The following ABHD17C variants were observed in gnomAD, a reference collection of about 807,000 sequenced individuals.
The protein encoded by ABHD17C is alpha/beta hydrolase domain-containing protein 17C.
A neutral mutation model predicts 27.9 loss-of-function variants in ABHD17C; 11 were observed. The observed-to-expected ratio is 0.39, with a 90% confidence interval of 0.25 to 0.65. The LOEUF (loss-of-function observed/expected upper bound fraction) is 0.65. Among genes scored for constraint, ABHD17C ranks in the 30% least tolerant of loss-of-function variants. ABHD17C has a pLI of 0.45. For synonymous variants in ABHD17C, 233 were observed against 209.1 expected (o/e 1.11, Z -0.98); for missense variants, 280 against 470.2 (o/e 0.60, Z 3.74).
intron 1 of ABHD17C, among the ~76,000 whole-genome samples, chr15:80,730,036 G>A (rs996870172): frequency 2.0e-5 from 3 of 152,060 alleles, no homozygotes; most frequent in Non-Finnish European, 4.4e-5. Flanking sequence ...GGAGAACCAC[G>A]TGAACCCAGT....
chr15:80,736,438 C>T (rs553443590), intron 1 of ABHD17C, among the ~76,000 whole-genome samples: 83 of 152,240 alleles, frequency 5.5e-4, no homozygotes, highest in Admixed American at 3.5e-3. Flanking sequence ...TCCACATGAC[C>T]GAGGGACTGT....
intron 1 of ABHD17C, among the ~76,000 whole-genome samples, chr15:80,713,900 C>CCCCACACACA (rs762670035): frequency 5.7e-5 from 8 of 141,146 alleles, no homozygotes; most frequent in Admixed American, 5.6e-4. Flanking sequence ...CATATACAGA[C>CCCCACACACA]CACACACACA....
intron 2 of ABHD17C, among the ~76,000 whole-genome samples, chr15:80,752,506 C>T (rs1040329868): frequency 1.4e-4 from 21 of 152,310 alleles, no homozygotes; most frequent in Admixed American, 1.2e-3. Context: ...GCTTCAGTTT[C>T]CTCCTTGATA....
chr15:80,722,364 T>C (rs1296891740), intron 1 of ABHD17C, among the ~76,000 whole-genome samples: 1 of 151,224 alleles, frequency 6.6e-6, no homozygotes, highest in Non-Finnish European at 1.5e-5. Flanking sequence ...ATCTTCACTA[T>C]GAGAAAGGAA....
At chr15:80,729,595 T>C (rs528325177) in intron 1 of ABHD17C, among the ~76,000 whole-genome samples, 1 of 152,312 alleles carries the variant, frequency 6.6e-6, no homozygotes, top group South Asian at 2.1e-4. Flanking sequence ...TTTAAAATTA[T>C]ATAGTTAAAA....
Position 80,695,424 on chromosome 15 carries a change from G to A in ABHD17C, c.-6G>A. 1 of 1,312,478 alleles carries A rather than the reference G, an allele frequency of 7.6e-7. No homozygotes were observed. The highest frequency in any genetic ancestry group is 9.9e-7 in the Non-Finnish European group (1 of 1,014,852). 81.3% of individuals were successfully genotyped at this position (1,312,478 alleles called of 1,614,324 possible). On this transcript the variant is annotated 5_prime_UTR_variant, in exon 1 of 3. Transcript: ENST00000258884. The surrounding 1 kb of genome is among the most constrained non-coding windows in gnomAD (Gnocchi z 4.3). ...CCGGGCCGGCGGCGGGCACCAGGCC[G>A]TCCCGATGCCCGAGCCAGGCCCCAG...
At chr15:80,726,154 GGCACAGATC>G (rs1363336167) in intron 1 of ABHD17C, among the ~76,000 whole-genome samples, 1 of 152,226 alleles carries the variant, frequency 6.6e-6, no homozygotes, top group Admixed American at 6.5e-5. Context: ...ATGTCCTTAA[GGCACAGATC>G]GCTCATGCTA....
At chr15:80,735,364 A>G (rs1895115548) in intron 1 of ABHD17C, among the ~76,000 whole-genome samples, 2 of 152,122 alleles carry the variant, frequency 1.3e-5, no homozygotes, top group Admixed American at 1.3e-4. Context: ...ACACTTACCT[A>G]TAGAATTGTC....
At chr15:80,749,332 G>A (rs1378356053) in intron 1 of ABHD17C, among the ~76,000 whole-genome samples, 181 bp from the exon 2 acceptor site, 1 of 152,102 alleles carries the variant, frequency 6.6e-6, no homozygotes, top group Non-Finnish European at 1.5e-5. Context: ...TACCAAAACA[G>A]GCCCCTAACA....
At chr15:80,702,189 T>C (rs147275051) in intron 1 of ABHD17C, among the ~76,000 whole-genome samples, 171 of 152,274 alleles carry the variant, frequency 1.1e-3, no homozygotes, top group Middle Eastern at 0.01. Flanking sequence ...CAGTCTTCTC[T>C]AAAATTCAGT....
At chr15:80,740,350 C>G (rs1366109572) in intron 1 of ABHD17C, among the ~76,000 whole-genome samples, 1 of 152,052 alleles carries the variant, frequency 6.6e-6, no homozygotes, top group East Asian at 1.9e-4. Flanking sequence ...TCATGGATTC[C>G]ATTTTCAGTG....
At chr15:80,741,626 T>C (rs927141544) in intron 1 of ABHD17C, among the ~76,000 whole-genome samples, 1 of 152,212 alleles carries the variant, frequency 6.6e-6, no homozygotes, top group South Asian at 2.1e-4. Context: ...GGAAGCCCTG[T>C]ACGTGCAGCA....
At chr15:80,720,878 G>A (rs1179509368) in intron 1 of ABHD17C, among the ~76,000 whole-genome samples, 3 of 150,250 alleles carry the variant, frequency 2.0e-5, no homozygotes, top group African/African-American at 4.9e-5. Context: ...CCGAGATCAC[G>A]CCACTGCACT....
At chr15:80,735,401 C>T (rs973566134) in intron 1 of ABHD17C, among the ~76,000 whole-genome samples, 1 of 152,180 alleles carries the variant, frequency 6.6e-6, no homozygotes, top group Non-Finnish European at 1.5e-5. Flanking sequence ...TGCCCCTCTA[C>T]CTGCTACATG....
intron 1 of ABHD17C, among the ~76,000 whole-genome samples, chr15:80,708,042 C>T (rs905797758): frequency 1.3e-5 from 2 of 152,194 alleles, no homozygotes; most frequent in Admixed American, 1.3e-4. Context: ...CACACCTGGG[C>T]CCCGGGCACT....
At chr15:80,744,545 C>T (rs1895256994) in intron 1 of ABHD17C, among the ~76,000 whole-genome samples, 1 of 152,158 alleles carries the variant, frequency 6.6e-6, no homozygotes, top group African/African-American at 2.4e-5. Context: ...ATGGCAAAGT[C>T]CTTAACACAG....
chr15:80,746,647 G>A (rs943159497), intron 1 of ABHD17C, among the ~76,000 whole-genome samples: 1 of 152,188 alleles, frequency 6.6e-6, no homozygotes, highest in Non-Finnish European at 1.5e-5. Context: ...TCTCCAGAAG[G>A]CATTTAAAGA....
chr15:80,723,652 A>G (rs1894929646), intron 1 of ABHD17C, among the ~76,000 whole-genome samples: 2 of 152,234 alleles, frequency 1.3e-5, no homozygotes, highest in Admixed American at 6.5e-5. Flanking sequence ...TATTAGGTCA[A>G]GCGGATGTTT....
chr15:80,711,560 C>G (rs1191380192), intron 1 of ABHD17C, among the ~76,000 whole-genome samples: 1 of 152,180 alleles, frequency 6.6e-6, no homozygotes, highest in Non-Finnish European at 1.5e-5. Context: ...AAAAAACCCT[C>G]CTACTGACTC....
Sources: allele counts gnomAD v4.1 joint callset (sites outside exome capture counted in the v4.1 genomes callset), GRCh38; gene constraint gnomAD v4.1.1; non-coding constraint Gnocchi (gnomAD v3.1); transcripts MANE v1.5; gene names NCBI Gene and HGNC (gene_info 2026-07-23, HGNC 2026-07-21).